SIM1: variants seen among roughly 807,000 people sequenced by gnomAD.
The protein encoded by SIM1 is single-minded homolog 1.
Under a neutral mutation model 78.2 loss-of-function variants are expected in SIM1, and 18 were observed. That is an observed-to-expected ratio of 0.23 (90% CI 0.16 to 0.34). SIM1 has a LOEUF of 0.34. Among genes scored for constraint, SIM1 ranks in the 10% least tolerant of loss-of-function variants. SIM1 has a pLI of 1.00. For synonymous variants in SIM1, 417 were observed against 385.2 expected (o/e 1.08, Z -0.97); for missense variants, 939 against 975.1 (o/e 0.96, Z 0.49).
intron 10 of SIM1, among the ~76,000 whole-genome samples, chr6:100,407,581 C>T (rs1167824752): frequency 6.6e-6 from 1 of 152,046 alleles, no homozygotes; most frequent in Non-Finnish European, 1.5e-5. Flanking sequence ...GCCTGGGTTT[C>T]CCTTTTCTGC....
intron 10 of SIM1, among the ~76,000 whole-genome samples, chr6:100,412,555 AAAAGAAAGAAAGAAAG>A (rs761518217): frequency 0.013 from 856 of 64,462 alleles, 28 homozygotes; most frequent in South Asian, 0.045. Context: ...AGAAAGAAAG[AAAAGAAAGAAAGAAAG>A]AAAGAAAGAA....
chr6:100,393,872 T>C lies in SIM1; in HGVS notation c.1185A>G (p.Thr395=). 6.4e-7 allele frequency: 1 copy of C among 1,563,810 alleles called. No homozygotes were observed. The highest frequency in any genetic ancestry group is 8.7e-7 in the Non-Finnish European group (1 of 1,151,544). The part of the protein sequence containing the change: ...SPYPQYSGFH[T]ERSESDHDSQ... ...TGTCATGATCAGATTCCGATCTTTCTGTGTGAAATCCCGAATACTGAAACC... is the reference window on the plus strand; with the variant it reads ...TGTCATGATCAGATTCCGATCTTTCCGTGTGAAATCCCGAATACTGAAACC... Residue 395 remains threonine, a synonymous_variant, in exon 11 of 12, where the codon ACA becomes ACG. Coordinates refer to ENST00000369208, the MANE Select transcript of SIM1 (RefSeq NM_005068.3).
At chr6:100,408,577 G>A (rs889535397) in intron 10 of SIM1, among the ~76,000 whole-genome samples, 1 of 151,910 alleles carries the variant, frequency 6.6e-6, no homozygotes, top group Non-Finnish European at 1.5e-5. Flanking sequence ...ACTATGTTGT[G>A]TTACATTTAT....
chr6:100,452,106 A>C (rs1339862476), intron 3 of SIM1, among the ~76,000 whole-genome samples: 1 of 152,204 alleles, frequency 6.6e-6, no homozygotes, highest in Non-Finnish European at 1.5e-5. Flanking sequence ...GAGCAGGCAG[A>C]GAGAGAGAAG....
At chr6:100,424,369 G>A (rs1771670116) in intron 9 of SIM1, among the ~76,000 whole-genome samples, 1 of 152,022 alleles carries the variant, frequency 6.6e-6, no homozygotes, top group African/African-American at 2.4e-5. Context: ...GCTAACCTCT[G>A]CTTCTATGTA....
chr6:100,411,832 C>T (rs67523492), intron 10 of SIM1, among the ~76,000 whole-genome samples: 16,805 of 152,016 alleles, frequency 0.11, 980 homozygotes, highest in Middle Eastern at 0.18. Flanking sequence ...AGAGGTGGCA[C>T]TCAATCTGGA....
At chr6:100,393,454 T>C (rs996633228) in intron 11 of SIM1, 33 bp downstream of exon 11, 1 of 1,491,248 alleles carries the variant, frequency 6.7e-7, no homozygotes, top group Non-Finnish European at 8.9e-7. Context: ...GGCCTAATGC[T>C]TGGAGTTCGG....
chr6:100,446,662 C>A (rs2114538001), intron 9 of SIM1, among the ~76,000 whole-genome samples: 1 of 152,330 alleles, frequency 6.6e-6, no homozygotes. Context: ...CCCAGAGCTC[C>A]GCTCCTCACT....
At chr6:100,410,404 C>A (rs1354123359) in intron 10 of SIM1, among the ~76,000 whole-genome samples, 1 of 152,146 alleles carries the variant, frequency 6.6e-6, no homozygotes, top group Non-Finnish European at 1.5e-5. Flanking sequence ...CCACCCGCTG[C>A]CTGATTTCTT....
At chr6:100,458,433 T>C (rs940659770) in intron 2 of SIM1, among the ~76,000 whole-genome samples, 1 of 152,156 alleles carries the variant, frequency 6.6e-6, no homozygotes, top group Non-Finnish European at 1.5e-5. Flanking sequence ...TAACCCGCCT[T>C]CCCGGGAACT....
At chr6:100,412,641 GAAA>G (rs1771249838) in intron 10 of SIM1, among the ~76,000 whole-genome samples, 5 of 70,354 alleles carry the variant, frequency 7.1e-5, no homozygotes, top group African/African-American at 2.8e-4. Flanking sequence ...AGAAAGAAAA[GAAA>G]GAAAGAAAGA....
rs1054627349 is a variant in SIM1, at chr6:100,386,754, T to C, written c.*3607A>G. On this transcript the variant is annotated 3_prime_UTR_variant, in exon 12 of 12. Transcript: ENST00000369208. ...TGAAATATAACCAAGAAAGAGCAAG[T>C]GGTTTTTCTGTGTAAATACTGAAGG... The C allele has an allele frequency of 3.1e-4, 47 of 152,126 alleles. No individual in the cohort carries two copies. Among genetic ancestry groups the C allele is most frequent in the African/African-American group, 1.1e-3 (46 of 41,540 alleles). The allele number at this position is 152,126 out of a possible 1,614,324, so 9.4% of individuals were successfully genotyped here. A position where few individuals can be genotyped will look rare whatever the true frequency, so the allele number is the denominator to read the frequency against.
intron 9 of SIM1, among the ~76,000 whole-genome samples, chr6:100,428,527 T>A (rs1771795902): frequency 6.6e-6 from 1 of 152,098 alleles, no homozygotes; most frequent in Non-Finnish European, 1.5e-5. Context: ...TAGCAAAAAA[T>A]TTTAAATGAC....
At chr6:100,446,115 A>G (rs766119576) in intron 9 of SIM1, among the ~76,000 whole-genome samples, 4 of 152,192 alleles carry the variant, frequency 2.6e-5, no homozygotes, top group Non-Finnish European at 1.5e-5. Context: ...AGCCAAATTC[A>G]TTTTCTAAGT....
rs536446667 is a variant in SIM1 at position 100,440,486 on chromosome 6, A to G, written c.998+6782T>C. ...AACATTGTCAATGCCCCACAAAGTA[A>G]CTTCTCCTTTCAGTTCCATGATCAC... On this transcript the variant is annotated intron_variant, in intron 9 of 11. Coordinates refer to ENST00000369208, the MANE Select transcript of SIM1 (RefSeq NM_005068.3). 1.5e-4 allele frequency among the ~76,000 whole-genome samples: 23 copies of G among 152,334 alleles called. No individual in the cohort carries two copies. The East Asian group carries it at 4.4e-3, about 29-fold the overall frequency.
intron 10 of SIM1, among the ~76,000 whole-genome samples, chr6:100,407,326 T>G (rs1315889151): frequency 6.6e-6 from 1 of 152,156 alleles, no homozygotes; most frequent in East Asian, 1.9e-4. Flanking sequence ...AATATTTCAC[T>G]GTACATAGAT....
rs557156437 is a variant in SIM1 at position 100,435,147 on chromosome 6, CA to C, written c.998+12120del. Among the ~76,000 whole-genome samples the C allele has an allele frequency of 5.9e-5, 9 of 152,202 alleles. No individual in the cohort carries two copies. The East Asian group carries it at 1.7e-3, about 29-fold the overall frequency. On this transcript the variant is annotated intron_variant, in intron 9 of 11. Transcript: ENST00000369208. ...CAATTGAGCAGGTCCCAAGTATACC[CA>C]AACTCTGAAGAAACTGAGTCACTTT...
At chr6:100,457,998 CTCTCTCTT>C (rs1562064121) in intron 2 of SIM1, among the ~76,000 whole-genome samples, 40 of 103,460 alleles carry the variant, frequency 3.9e-4, no homozygotes, top group African/African-American at 1.4e-4. Flanking sequence ...CGCTGTCTGT[CTCTCTCTT>C]TCTCTCTCTC....
chr6:100,412,799 A>AGGAC (rs1006822066), intron 10 of SIM1, among the ~76,000 whole-genome samples: 18 of 152,110 alleles, frequency 1.2e-4, no homozygotes, highest in African/African-American at 3.1e-4. Flanking sequence ...GAAGGAAGGA[A>AGGAC]GGACGGACGG....
Sources: gnomAD v4.1 joint callset for allele counts (sites outside exome capture counted in the v4.1 genomes callset) on GRCh38, gnomAD v4.1.1 for gene constraint, MANE v1.5 for transcripts, NCBI Gene and HGNC (gene_info 2026-07-23, HGNC 2026-07-21) for gene names.